The following BTBD9 variants were observed in gnomAD, a reference collection of about 807,000 sequenced individuals.
BTBD9 encodes the protein BTB/POZ domain-containing protein 9.
BTBD9 carries 49 observed loss-of-function variants against 64.3 expected under a neutral mutation model. The observed-to-expected ratio is 0.76, with a 90% CI of 0.61 to 0.97. The LOEUF (loss-of-function observed/expected upper bound fraction) is 0.97, where lower values mean the gene tolerates loss of function less well. BTBD9 is among the 50% of genes least tolerant of loss of function. BTBD9 has a pLI of 0.00. For missense variants in BTBD9, 598 were observed against 762.1 expected, an observed-to-expected ratio of 0.78 and a Z score of 2.53; for synonymous variants, 260 against 274.7, an observed-to-expected ratio of 0.95 and a Z score of 0.53.
At chr6:38,365,992 G>C (rs16890588) in intron 6 of BTBD9, among the ~76,000 whole-genome samples, 8,897 of 152,182 alleles carry the variant, frequency 0.058, 777 homozygotes, top group East Asian at 0.36. Flanking sequence ...CATGTTAACT[G>C]GATGCTTCTC....
intron 6 of BTBD9, among the ~76,000 whole-genome samples, chr6:38,378,052 C>G (rs1765764699): frequency 6.6e-6 from 1 of 152,102 alleles, no homozygotes; most frequent in Non-Finnish European, 1.5e-5. Flanking sequence ...CCCTGGCAAA[C>G]AGTGTGAACT....
At chr6:38,177,973 A>ACCCTGGAAGC (rs569032090) in intron 10 of BTBD9, among the ~76,000 whole-genome samples, 1 of 152,106 alleles carries the variant, frequency 6.6e-6, no homozygotes. Context: ...AAGTTAGGGG[A>ACCCTGGAAGC]CCCTGGAAGC....
At chr6:38,268,783 A>G (rs1222453132) in intron 8 of BTBD9, among the ~76,000 whole-genome samples, 2 of 152,214 alleles carry the variant, frequency 1.3e-5, no homozygotes, top group Non-Finnish European at 2.9e-5. Flanking sequence ...ACACTTGCCT[A>G]TCCAATTCAG....
Position 38,288,263 on chromosome 6 carries a change from T to C in BTBD9, c.1454+9A>G, listed in dbSNP as rs1401378090. 11 of 1,599,604 alleles carry C rather than the reference T, an allele frequency of 6.9e-6. No homozygotes were observed. Among genetic ancestry groups the C allele is most frequent in the Non-Finnish European group, 8.6e-6 (10 of 1,168,846 alleles). ...TTTAAAACTTATGAATGAGGAGGAA[T>C]CTTCTTACCGTATTGACCCAATCAT... On this transcript the variant is annotated intron_variant, in intron 8 of 10. Transcript: ENST00000481247.
At chr6:38,350,762 G>A (rs1157095954) in intron 6 of BTBD9, among the ~76,000 whole-genome samples, 1 of 152,240 alleles carries the variant, frequency 6.6e-6, no homozygotes, top group East Asian at 1.9e-4. Context: ...GAACATTGTT[G>A]TTTGTTGTGG....
intron 9 of BTBD9, among the ~76,000 whole-genome samples, chr6:38,222,783 G>T (rs1763257333): frequency 6.6e-6 from 1 of 152,162 alleles, no homozygotes; most frequent in African/African-American, 2.4e-5. Context: ...CAGACAAACA[G>T]GCAAAACATA....
intron 6 of BTBD9, among the ~76,000 whole-genome samples, chr6:38,356,002 C>CT (rs1379592548): frequency 2.0e-5 from 3 of 152,140 alleles, no homozygotes. Flanking sequence ...CTTCAGTACT[C>CT]TAAATGTATT....
intron 8 of BTBD9, 97 bp from the exon 9 acceptor site, chr6:38,256,613 G>T: frequency 1.2e-6 from 1 of 810,002 alleles, no homozygotes; most frequent in Non-Finnish European, 2.0e-6. Flanking sequence ...CCTTTGTTCA[G>T]CACATTTCTA....
intron 6 of BTBD9, among the ~76,000 whole-genome samples, chr6:38,506,599 T>C (rs1430476809): frequency 2.0e-5 from 3 of 152,176 alleles, no homozygotes; most frequent in Admixed American, 6.5e-5. Context: ...CACCAAAACT[T>C]CCTAAGCTGA....
At chr6:38,267,961 C>A (rs574892917) in intron 8 of BTBD9, among the ~76,000 whole-genome samples, 1 of 152,046 alleles carries the variant, frequency 6.6e-6, no homozygotes, top group East Asian at 1.9e-4. Flanking sequence ...CAAAACAAAA[C>A]AAAAACCGAA....
At chr6:38,496,153 A>G (rs575684493) in intron 6 of BTBD9, among the ~76,000 whole-genome samples, 4 of 152,304 alleles carry the variant, frequency 2.6e-5, no homozygotes, top group African/African-American at 9.6e-5. Context: ...ACTTGGGGCA[A>G]GCAAGCCAGC....
chr6:38,358,158 G>A (rs919094261), intron 6 of BTBD9, among the ~76,000 whole-genome samples: 3 of 151,926 alleles, frequency 2.0e-5, no homozygotes, highest in African/African-American at 7.3e-5. Context: ...TGATAACTGT[G>A]GAAAAACACC....
Position 38,171,609 on chromosome 6 carries a change from GGA to G in BTBD9, c.*3374_*3375del. The G allele has an allele frequency of 6.9e-6, 1 of 143,890 alleles. No individual in the cohort carries two copies. The highest frequency in any genetic ancestry group is 2.6e-5 in the African/African-American group (1 of 38,626). 8.9% of individuals were successfully genotyped at this position (143,890 alleles called of 1,614,324 possible). The stretch of plus-strand genomic sequence containing the variant: ...GTGTGTGTGTGTGTGTGTGTGAGAG[GGA>G]GAGACGGTGGGGGCGGGGGGTGGTT... On this transcript the variant is annotated 3_prime_UTR_variant, in exon 11 of 11. Coordinates refer to ENST00000481247, the MANE Select transcript of BTBD9 (RefSeq NM_001099272.2).
At chr6:38,542,814 G>A (rs886222449) in intron 6 of BTBD9, among the ~76,000 whole-genome samples, 4 of 152,110 alleles carry the variant, frequency 2.6e-5, no homozygotes, top group African/African-American at 9.7e-5. Context: ...TAGGCCCAAA[G>A]AAAGTTGCTA....
chr6:38,446,889 T>C (rs545969095), intron 6 of BTBD9, among the ~76,000 whole-genome samples: 28 of 152,266 alleles, frequency 1.8e-4, no homozygotes, highest in African/African-American at 6.3e-4. Context: ...AGTCCTAAAG[T>C]GAAACCCTGC....
At chr6:38,380,107 C>T (rs978148499) in intron 6 of BTBD9, among the ~76,000 whole-genome samples, 6 of 151,776 alleles carry the variant, frequency 4.0e-5, no homozygotes, top group Admixed American at 3.9e-4. Flanking sequence ...TACTATTTGA[C>T]TTTTTAAAGT....
At chr6:38,259,467 A>G (rs1386729608) in intron 8 of BTBD9, among the ~76,000 whole-genome samples, 1 of 152,150 alleles carries the variant, frequency 6.6e-6, no homozygotes, top group African/African-American at 2.4e-5. Flanking sequence ...CAGTGGTGCA[A>G]TCATAGCTCA....
chr6:38,506,886 C>T (rs1772549091), intron 6 of BTBD9, among the ~76,000 whole-genome samples: 1 of 152,180 alleles, frequency 6.6e-6, no homozygotes, highest in East Asian at 1.9e-4. Context: ...CAACTGGTCT[C>T]AAGTTTCCTA....
intron 9 of BTBD9, among the ~76,000 whole-genome samples, chr6:38,249,243 G>A (rs1241027845): frequency 6.6e-6 from 1 of 152,014 alleles, no homozygotes; most frequent in Non-Finnish European, 1.5e-5. Flanking sequence ...CAATCGCCAT[G>A]AGTGATCTTC....
Sources: allele counts gnomAD v4.1 joint callset (sites outside exome capture counted in the v4.1 genomes callset), GRCh38; gene constraint gnomAD v4.1.1; transcripts MANE v1.5; gene names NCBI Gene and HGNC (gene_info 2026-07-23, HGNC 2026-07-21).